Variants in PATJ observed in about 807,000 individuals in gnomAD.
PATJ encodes the protein PATJ crumbs cell polarity complex component, also known as inaD-like protein.
In PATJ, 190 loss-of-function variants were observed where a neutral mutation model predicts 224.9. That is an observed-to-expected ratio of 0.84 (90% CI 0.75 to 0.95). The LOEUF (loss-of-function observed/expected upper bound fraction) is 0.95. Among genes scored for constraint, PATJ ranks in the 40% least tolerant of loss-of-function variants. PATJ has a pLI of 0.00. For synonymous variants in PATJ, 769 were observed against 820.3 expected (o/e 0.94, Z 1.07); for missense variants, 2,121 against 2,270.3 (o/e 0.93, Z 1.34).
chr1:61,864,459 G>A lies in PATJ; in HGVS notation c.2661G>A (p.Glu887=), dbSNP rs760146291. 1 of 1,614,016 alleles carries A rather than the reference G, an allele frequency of 6.2e-7. No individual in the cohort carries two copies. The highest frequency in any genetic ancestry group is 1.1e-5 in the South Asian group (1 of 91,080). ...ELYQDPSPSM[E]LYPLSHIQEA... is the part of the protein sequence containing the mutation. ...ATCAAGATCCCTCACCATCCATGGA[G>A]TTGTATCCCTTGTCGCACATTCAAG... The change falls in exon 20 of 44, where the codon GAG becomes GAA. Residue 887 remains glutamate, a synonymous_variant. Coordinates refer to ENST00000642238, the MANE Select transcript of PATJ (RefSeq NM_001350145.3).
At chr1:62,117,038 T>G in intron 36 of PATJ, 94 bp from the exon 37 acceptor site, 2 of 1,045,944 alleles carry the variant, frequency 1.9e-6, no homozygotes, top group Admixed American at 4.0e-5. Flanking sequence ...ATTACCCTTT[T>G]ATAATTTGTG....
intron 15 of PATJ, among the ~76,000 whole-genome samples, chr1:61,825,802 A>G (rs1658148188): frequency 6.6e-6 from 1 of 152,236 alleles, no homozygotes; most frequent in African/African-American, 2.4e-5. Context: ...TGACTTTCTA[A>G]TTTGTTGAAG....
rs1484399816 is a variant in PATJ at position 62,072,914 on chromosome 1, CA to C, written c.4126-6535del. The C allele has an allele frequency of 1.7e-5, 7 of 424,120 alleles. 1 individual carries two copies. The highest frequency in any genetic ancestry group is 3.2e-6 in the Non-Finnish European group (1 of 317,132). 26.3% of individuals were successfully genotyped at this position (424,120 alleles called of 1,614,324 possible). ...AAACTTTTTTGCCCAGTGTTTTGGTCATTTTTGTAGTAGACTGAAGCCCAAT... is the reference window on the plus strand; with the variant it reads ...AAACTTTTTTGCCCAGTGTTTTGGTCTTTTTGTAGTAGACTGAAGCCCAAT... On this transcript the variant is annotated intron_variant, in intron 31 of 43. Coordinates refer to ENST00000642238, the MANE Select transcript of PATJ (RefSeq NM_001350145.3).
intron 14 of PATJ, among the ~76,000 whole-genome samples, chr1:61,813,334 C>CATATATATATAT (rs747640923): frequency 1.1e-4 from 7 of 63,064 alleles, no homozygotes; most frequent in South Asian, 7.5e-4. Context: ...ATGGAATGTA[C>CATATATATATAT]ATATATATAT....
intron 6 of PATJ, among the ~76,000 whole-genome samples, chr1:61,774,646 C>T (rs1646816452): frequency 6.6e-6 from 1 of 152,322 alleles, no homozygotes. Context: ...TTAAATCCAA[C>T]CTTTGACCAT....
intron 21 of PATJ, 78 bp from the exon 22 acceptor site, chr1:61,884,153 AGTAGGT>A: frequency 1.1e-6 from 1 of 944,484 alleles, no homozygotes; most frequent in Admixed American, 2.7e-5. Context: ...CCCCTCCCAT[AGTAGGT>A]GCCCATACCT....
chr1:62,017,412 T>TTA (rs1375568122), intron 28 of PATJ, among the ~76,000 whole-genome samples: 1 of 73,510 alleles, frequency 1.4e-5, no homozygotes. Flanking sequence ...AGACTCCGCC[T>TTA]CAAAAAAAAA....
At chr1:61,776,580 C>T (rs1646924767) in intron 7 of PATJ, among the ~76,000 whole-genome samples, 1 of 151,918 alleles carries the variant, frequency 6.6e-6, no homozygotes, top group South Asian at 2.1e-4. Context: ...GGAAGTACCA[C>T]CTAGCATTCT....
At position 61,914,598 on chromosome 1, in the gene PATJ, C is replaced by T. The variant is rs1134766; in HGVS notation, c.3504C>T (p.Asn1168=). The T allele has an allele frequency of 0.75, 1,130,291 of 1,514,356 alleles. 425,474 individuals are homozygous for T. The highest frequency in any genetic ancestry group is 0.88 in the African/African-American group (64,787 of 73,438). 93.8% of individuals were successfully genotyped at this position (1,514,356 alleles called of 1,614,324 possible). Residue 1168 remains asparagine, a synonymous_variant, in exon 26 of 44, where the codon AAC becomes AAT. Coordinates refer to ENST00000642238, the MANE Select transcript of PATJ (RefSeq NM_001350145.3). The part of the protein sequence containing the change: ...SLSSTPRVIP[N]VHNKANKITG... ...TTTTGTCACCATAGGTCATTCCTAA[C>T]GTACATAACAAGGCCAACAAAATCA...
At chr1:62,100,280 G>A in intron 33 of PATJ, 2 of 698,686 alleles carry the variant, frequency 2.9e-6, no homozygotes, top group South Asian at 3.1e-5. Flanking sequence ...ATCTGAGACT[G>A]GGTAATTTAT....
chr1:61,885,267 G>A (rs966558568), intron 22 of PATJ, among the ~76,000 whole-genome samples: 5 of 152,000 alleles, frequency 3.3e-5, no homozygotes, highest in African/African-American at 9.7e-5. Flanking sequence ...GAAAATTTTC[G>A]CAACCTACTC....
At chr1:61,988,530 A>G (rs1051774379) in intron 27 of PATJ, among the ~76,000 whole-genome samples, 1 of 152,062 alleles carries the variant, frequency 6.6e-6, no homozygotes, top group South Asian at 2.1e-4. Flanking sequence ...CTCTTTTCCT[A>G]TATAGTTAAC....
chr1:61,809,367 C>T (rs1221145672), intron 14 of PATJ, among the ~76,000 whole-genome samples: 4 of 151,320 alleles, frequency 2.6e-5, no homozygotes, highest in African/African-American at 9.7e-5. Flanking sequence ...CTGTCACATG[C>T]AGTTTTAAGA....
intron 26 of PATJ, among the ~76,000 whole-genome samples, chr1:61,915,348 T>C (rs865988485): frequency 1.1e-4 from 16 of 152,350 alleles, no homozygotes; most frequent in Middle Eastern, 6.8e-3. Context: ...TTTGTTCCAT[T>C]TGATCAACTT....
intron 7 of PATJ, among the ~76,000 whole-genome samples, chr1:61,787,296 A>G (rs936992974): frequency 6.6e-6 from 1 of 152,164 alleles, no homozygotes; most frequent in Non-Finnish European, 1.5e-5. Flanking sequence ...CATCTCTTAG[A>G]CTACTCTTCT....
intron 22 of PATJ, among the ~76,000 whole-genome samples, chr1:61,892,062 T>C (rs1669679492): frequency 6.6e-6 from 1 of 152,228 alleles, no homozygotes; most frequent in South Asian, 2.1e-4. Context: ...TAATTCTTTA[T>C]ATACTGGTGT....
rs1217492110 is a variant in PATJ at position 62,079,446 on chromosome 1, G to A, written c.4126-4G>A. On this transcript the variant is annotated splice_polypyrimidine_tract_variant and splice_region_variant and intron_variant, in intron 31 of 43. Transcript: ENST00000642238. Reference sequence around the variant, plus strand: ...TATTCATCTAATTTTCCTTTCTTTTGTAGGCTGTCAGCCAGATGAAACAGC... The same window carrying A: ...TATTCATCTAATTTTCCTTTCTTTTATAGGCTGTCAGCCAGATGAAACAGC... 1.7e-5 allele frequency: 27 copies of A among 1,573,590 alleles called. No homozygotes were observed. Among genetic ancestry groups the A allele is most frequent in the Non-Finnish European group, 2.2e-5 (25 of 1,145,358 alleles).
chr1:62,030,127 AAAG>A (rs1648930157), intron 29 of PATJ, among the ~76,000 whole-genome samples: 4 of 152,324 alleles, frequency 2.6e-5, no homozygotes, highest in South Asian at 2.1e-4. Flanking sequence ...TTAAAAGAAA[AAAG>A]AAGAATAAAG....
At chr1:62,138,113 A>G (rs1667141675) in intron 41 of PATJ, among the ~76,000 whole-genome samples, 1 of 152,168 alleles carries the variant, frequency 6.6e-6, no homozygotes, top group Non-Finnish European at 1.5e-5. Context: ...GGGGAGGATG[A>G]GGGGAAACCA....
Sources: allele counts gnomAD v4.1 joint callset (sites outside exome capture counted in the v4.1 genomes callset), GRCh38; gene constraint gnomAD v4.1.1; transcripts MANE v1.5; gene names NCBI Gene and HGNC (gene_info 2026-07-23, HGNC 2026-07-21).